Variants in PHYKPL observed in about 807,000 individuals in gnomAD.
PHYKPL encodes 5-phosphonooxy-L-lysine phospho-lyase.
Under a neutral mutation model 51.3 loss-of-function variants are expected in PHYKPL, and 42 were observed. That is an observed-to-expected ratio of 0.82 (90% confidence interval 0.64 to 1.06). The LOEUF (loss-of-function observed/expected upper bound fraction) is 1.06. Among genes scored for constraint, PHYKPL ranks in the 50% least tolerant of loss-of-function variants. PHYKPL has a pLI of 0.00. For synonymous variants in PHYKPL, 264 were observed against 236.0 expected, an observed-to-expected ratio of 1.12 and a Z score of -1.09; for missense variants, 655 against 586.6, an observed-to-expected ratio of 1.12 and a Z score of -1.20.
chr5:178,222,340 A>G lies in PHYKPL; in HGVS notation c.927+15T>C. On this transcript the variant is annotated intron_variant, in intron 8 of 12. Coordinates refer to ENST00000308158, the MANE Select transcript of PHYKPL (RefSeq NM_153373.4). ...AGAACCCATGTTGCTCCCTTGACTT[A>G]GAGCCATCACTCACCGTGTTGAAGT... 6.2e-7 allele frequency: 1 copy of G among 1,601,434 alleles called. No homozygotes were observed. Among genetic ancestry groups the G allele is most frequent in the Non-Finnish European group, 8.5e-7 (1 of 1,170,848 alleles).
In PHYKPL at chr5:178,232,767, G is replaced by T; in HGVS notation, c.-217C>A. 1 of 427,118 alleles carries T rather than the reference G, an allele frequency of 2.3e-6. No homozygotes were observed. The highest frequency in any genetic ancestry group is 3.7e-6 in the Non-Finnish European group (1 of 269,048). 26.5% of individuals were successfully genotyped at this position (427,118 alleles called of 1,614,324 possible). A position where few individuals can be genotyped will look rare whatever the true frequency, so the allele number is the denominator to read the frequency against. On this transcript the variant is annotated 5_prime_UTR_variant, in exon 1 of 13. Transcript: ENST00000308158. Reference sequence around the variant, plus strand: ...CCTTCCGGCCCGTGGTCGTGCCTTGGCAGTCCCGCGCAGGAACTCGAGCGC... The same window carrying T: ...CCTTCCGGCCCGTGGTCGTGCCTTGTCAGTCCCGCGCAGGAACTCGAGCGC...
intron 6 of PHYKPL, chr5:178,223,360 G>A (rs1382030815): frequency 1.5e-5 from 7 of 457,130 alleles, no homozygotes; most frequent in South Asian, 3.1e-5. Flanking sequence ...TTGGACTCCT[G>A]CAGAGGTCTT....
rs1369964070 is a variant in PHYKPL at position 178,231,450 on chromosome 5, C to G, written c.133G>C (p.Glu45Gln). The change falls in exon 2 of 13, where the codon GAA (glutamate) becomes CAA (glutamine). Residue 45 changes from glutamate to glutamine, a missense_variant. Coordinates refer to ENST00000308158, the MANE Select transcript of PHYKPL (RefSeq NM_153373.4). ...CAATCGATGTATTCTGCCCCCTGTT[C>G]ATCGTACATGTACTGCCCTTGGGCC... Reference protein sequence around the residue: ...VRAQGQYMYDEQGAEYIDCIS... With the variant: ...VRAQGQYMYDQQGAEYIDCIS... The G allele has an allele frequency of 2.5e-6, 4 of 1,614,106 alleles. No individual in the cohort carries two copies. In the African/African-American group the frequency reaches 5.3e-5, roughly 22 times the overall value.
chr5:178,222,515 C>A lies in PHYKPL; in HGVS notation c.767G>T (p.Gly256Val). The A allele has an allele frequency of 6.2e-7, 1 of 1,614,256 alleles. No homozygotes were observed. The highest frequency in any genetic ancestry group is 8.5e-7 in the Non-Finnish European group (1 of 1,180,044). ...GAGCTGGAAGGCCCAGAAGTGCTTG[C>A]CTACCCGGCCAAAGCCAACCTGGAT... ...DEIQVGFGRV[G>V]KHFWAFQLQG... is the part of the protein sequence containing the mutation. The change falls in exon 8 of 13, where the codon GGC becomes GTC. Residue 256 changes from glycine (G) to valine (V), a missense_variant. Transcript: ENST00000308158.
chr5:178,232,220 GGT>G, intron 1 of PHYKPL: 1 of 1,261,014 alleles, frequency 7.9e-7, no homozygotes, highest in South Asian at 2.4e-5. Flanking sequence ...GCCGAACAGC[GGT>G]GAGGGCGGGG....
chr5:178,212,454 G>T lies in PHYKPL; in HGVS notation c.1304-484C>A, dbSNP rs149742892. Among the ~76,000 whole-genome samples, 413 of 152,360 alleles carry T rather than the reference G, an allele frequency of 2.7e-3. 3 individuals carry two copies. The highest frequency in any genetic ancestry group is 4.4e-3 in the Admixed American group (67 of 15,308). On this transcript the variant is annotated intron_variant, in intron 11 of 12. Transcript: ENST00000308158. ...GGCAACACAGCCATGAGATTTCCTT[G>T]TAAGTGGATTTAGGGGGAACCCTGG...
At chr5:178,214,963 C>T (rs1759451430) in intron 9 of PHYKPL, 78 bp from the exon 10 acceptor site, 1 of 1,333,324 alleles carries the variant, frequency 7.5e-7, no homozygotes, top group African/African-American at 1.5e-5. Flanking sequence ...TGGGCTCCTA[C>T]CTGTGCCTCC....
At chr5:178,209,454 G>C (rs1757492336) in intron 12 of PHYKPL, 1 of 1,611,508 alleles carries the variant, frequency 6.2e-7, no homozygotes, top group Non-Finnish European at 8.5e-7. Flanking sequence ...GGAGGTGAGT[G>C]GAACGTGGAT....
chr5:178,226,230 G>A lies in PHYKPL; in HGVS notation c.339-801C>T, dbSNP rs566298995. ...AGCTGGGATTACAGGCGCCCACCAC[G>A]ATGCCCAGCTAATTTTTCGTATTTT... On this transcript the variant is annotated intron_variant, in intron 3 of 12. Coordinates refer to ENST00000308158, the MANE Select transcript of PHYKPL (RefSeq NM_153373.4). 4.6e-5 allele frequency among the ~76,000 whole-genome samples: 7 copies of A among 151,838 alleles called. No homozygotes were observed. The East Asian group carries it at 1.2e-3, about 25-fold the overall frequency.
At chr5:178,210,545 G>T (rs376937285) in intron 12 of PHYKPL, 1 of 1,613,656 alleles carries the variant, frequency 6.2e-7, no homozygotes. Flanking sequence ...GGTTGTTCTC[G>T]TCCCTAGGTC....
intron 1 of PHYKPL, chr5:178,231,904 C>T (rs940386456): frequency 8.4e-6 from 11 of 1,305,334 alleles, no homozygotes; most frequent in Admixed American, 2.3e-5. Context: ...CATTAGGTGC[C>T]TGGCTCTCAG....
At chr5:178,218,276 C>T (rs1760374388) in intron 8 of PHYKPL, among the ~76,000 whole-genome samples, 1 of 146,478 alleles carries the variant, frequency 6.8e-6, no homozygotes, top group South Asian at 2.2e-4. Context: ...CCCAAGGACA[C>T]AAGCATACCA....
chr5:178,222,859 CT>C lies in PHYKPL; in HGVS notation c.693del (p.Val232TrpfsTer24). Reference sequence around the variant, plus strand: ...CCCCGCCCACCTACTCACTCTGCCACTTGGGAGAAGTAGCCAGCAGGGGGAA... The same window carrying C: ...CCCCGCCCACCTACTCACTCTGCCACTGGGAGAAGTAGCCAGCAGGGGGAA... ...QIIPPAGYFS[Q>X]VAEHIRKAGG... On this transcript the variant is annotated frameshift_variant, in exon 7 of 13. Coordinates refer to ENST00000308158, the MANE Select transcript of PHYKPL (RefSeq NM_153373.4). LOFTEE classifies it high-confidence loss of function. The C allele has an allele frequency of 6.2e-7, 1 of 1,614,212 alleles. No homozygotes were observed. The highest frequency in any genetic ancestry group is 8.5e-7 in the Non-Finnish European group (1 of 1,180,028).
At chr5:178,230,170 A>G in intron 2 of PHYKPL, 71 bp from the exon 3 acceptor site, 3 of 1,588,616 alleles carry the variant, frequency 1.9e-6, no homozygotes, top group South Asian at 2.2e-5. Context: ...CCCCAGCCCC[A>G]AGCTATAAAC....
chr5:178,211,237 G>C (rs1486939242), intron 12 of PHYKPL: 1 of 152,846 alleles, frequency 6.5e-6, no homozygotes, highest in Admixed American at 6.5e-5. Context: ...GGGGTGCCAG[G>C]TGCCCTGGAC....
At chr5:178,230,298 C>A in intron 2 of PHYKPL, 199 bp from the exon 3 acceptor site, 4 of 603,138 alleles carry the variant, frequency 6.6e-6, no homozygotes, top group Non-Finnish European at 1.1e-5. Context: ...GAGATTCTGG[C>A]AGAAGGAAAG....
In PHYKPL at chr5:178,209,690, G is replaced by GA. The variant is rs147721633; in HGVS notation, c.*32-776dup. Among the ~76,000 whole-genome samples the GA allele has an allele frequency of 9.4e-4, 143 of 152,280 alleles. 2 individuals carry two copies. In the East Asian group the frequency reaches 0.025, roughly 27 times the overall value. On this transcript the variant is annotated intron_variant, in intron 12 of 12. Transcript: ENST00000308158. ...AGAGCATTTGTGTTACACTCTGGGG[G>GA]AGGGGATGTGATGGGTGTCTTGGCT...
At chr5:178,207,728 A>G, downstream of PHYKPL, among the ~76,000 whole-genome samples, 1 of 105,688 alleles carries the variant, frequency 9.5e-6, no homozygotes, top group Non-Finnish European at 1.8e-5. Flanking sequence ...TTTGAGACAG[A>G]GTCTTGCTTT....
At chr5:178,209,194 C>G in intron 12 of PHYKPL, 1 of 746,606 alleles carries the variant, frequency 1.3e-6, no homozygotes, top group South Asian at 1.6e-5. Context: ...CAAAGGTGGC[C>G]TCCCATACTA....
Sources: allele counts gnomAD v4.1 joint callset (sites outside exome capture counted in the v4.1 genomes callset), GRCh38; gene constraint gnomAD v4.1.1; transcripts MANE v1.5; gene names NCBI Gene and HGNC (gene_info 2026-07-23, HGNC 2026-07-21).